OLFML2A: variants seen among roughly 807,000 people sequenced by gnomAD.
OLFML2A encodes olfactomedin-like protein 2A.
OLFML2A carries 47 observed loss-of-function variants against 60.9 expected under a neutral mutation model. That is an observed-to-expected ratio of 0.77 (90% CI 0.61 to 0.98). OLFML2A has a LOEUF of 0.98. Among genes scored for constraint, OLFML2A ranks in the 50% least tolerant of loss-of-function variants. The pLI, the probability that OLFML2A is intolerant of heterozygous loss-of-function variation, is 0.00. For synonymous variants in OLFML2A, 372 were observed against 375.0 expected, an observed-to-expected ratio of 0.99 and a Z score of 0.09; for missense variants, 922 against 879.8, an observed-to-expected ratio of 1.05 and a Z score of -0.61.
intron 5 of OLFML2A, 97 bp from the exon 6 acceptor site, chr9:124,803,997 C>A: frequency 7.0e-7 from 1 of 1,421,990 alleles, no homozygotes. Context: ...CCTCCACTCC[C>A]TGAGGGCCCC....
chr9:124,788,378 C>T lies in OLFML2A; in HGVS notation c.354+1140C>T, dbSNP rs562994213. On this transcript the variant is annotated intron_variant, in intron 2 of 7. Coordinates refer to ENST00000373580, the MANE Select transcript of OLFML2A (RefSeq NM_182487.4). ...ATCCCAGCACTTTGGGAGACTGAGG[C>T]GGGTGGATCACGAGGTCAGGAGCTC... Among the ~76,000 whole-genome samples, 7 of 151,950 alleles carry T rather than the reference C, an allele frequency of 4.6e-5. No homozygotes were observed. In the East Asian group the frequency reaches 7.8e-4, roughly 17 times the overall value.
Position 124,799,278 on chromosome 9 carries a change from T to C in OLFML2A, c.463-7T>C. The C allele has an allele frequency of 1.3e-6, 2 of 1,598,838 alleles. No homozygotes were observed. The highest frequency in any genetic ancestry group is 1.1e-5 in the South Asian group (1 of 90,768). ...AGGAAAGACCTCCAATCCTGCCCCC[T>C]CCGCAGAGCATCAAGGCCAACCTGA... is the stretch of plus-strand genomic sequence containing the variant. On this transcript the variant is annotated splice_polypyrimidine_tract_variant and splice_region_variant and intron_variant, in intron 3 of 7. Transcript: ENST00000373580.
chr9:124,783,904 G>C (rs4838210), intron 1 of OLFML2A, among the ~76,000 whole-genome samples: 43 of 152,114 alleles, frequency 2.8e-4, no homozygotes, highest in African/African-American at 1.0e-3. Context: ...TGAAGGGATA[G>C]AGAGTAACAG....
intron 7 of OLFML2A, among the ~76,000 whole-genome samples, chr9:124,809,265 G>A (rs10986433): frequency 0.6 from 90,463 of 152,032 alleles, 30,726 homozygotes; most frequent in Non-Finnish European, 0.78. Flanking sequence ...ACAGGGTGGT[G>A]GAGGAAGCCA....
At chr9:124,797,538 C>T (rs1841689312) in intron 3 of OLFML2A, among the ~76,000 whole-genome samples, 1 of 152,206 alleles carries the variant, frequency 6.6e-6, no homozygotes, top group African/African-American at 2.4e-5. Flanking sequence ...GACTGGACGT[C>T]AATCACTTTT....
chr9:124,810,001 C>A lies in OLFML2A; in HGVS notation c.1548C>A (p.Arg516=), dbSNP rs780615026. The change falls in exon 8 of 8, where the codon CGC becomes CGA. Residue 516 remains arginine (R), a synonymous_variant. Transcript: ENST00000373580. ...AGGACACCACACCTTGGAAGTGGCG[C>A]GGACACTCGGACATTGACTTTGCCG... is the stretch of plus-strand genomic sequence containing the variant. ...VYEDTTPWKW[R]GHSDIDFAVD... is the part of the protein sequence containing the mutation. 1 of 1,614,130 alleles carries A rather than the reference C, an allele frequency of 6.2e-7. No individual in the cohort carries two copies. Among genetic ancestry groups the A allele is most frequent in the Non-Finnish European group, 8.5e-7 (1 of 1,180,038 alleles).
intron 4 of OLFML2A, 113 bp from the exon 5 acceptor site, chr9:124,801,301 C>A: frequency 8.7e-7 from 1 of 1,147,910 alleles, no homozygotes; most frequent in Non-Finnish European, 1.3e-6. Flanking sequence ...GTGCTTGGGA[C>A]ATAGGGCCTG....
chr9:124,778,148 A>G (rs1401271459), intron 1 of OLFML2A, among the ~76,000 whole-genome samples: 1 of 151,436 alleles, frequency 6.6e-6, no homozygotes, highest in Non-Finnish European at 1.5e-5. Context: ...TCACAAGGTC[A>G]GGAGATCGAG....
intron 5 of OLFML2A, among the ~76,000 whole-genome samples, chr9:124,801,948 C>T (rs1358898065): frequency 1.3e-5 from 2 of 152,178 alleles, no homozygotes; most frequent in Non-Finnish European, 2.9e-5. Flanking sequence ...TGCTGAAGGT[C>T]CGCTCTGACC....
intron 4 of OLFML2A, among the ~76,000 whole-genome samples, chr9:124,799,873 G>A (rs1841741489): frequency 6.6e-6 from 1 of 152,206 alleles, no homozygotes. Flanking sequence ...TGCTGTGGCT[G>A]GGTTGAGCCT....
chr9:124,787,053 A>C lies in OLFML2A; in HGVS notation c.169A>C (p.Ser57Arg). The C allele has an allele frequency of 6.2e-7, 1 of 1,614,004 alleles. No individual in the cohort carries two copies. The highest frequency in any genetic ancestry group is 8.5e-7 in the Non-Finnish European group (1 of 1,180,002). ...TTGCAAGTGCATCATGCGGCCCCTG[A>C]GCAAGGACGCGTGTAGCCGAGTGCG... ...CRCKCIMRPLSKDACSRVRSG... is the reference protein window; with the variant it reads ...CRCKCIMRPLRKDACSRVRSG... The change falls in exon 2 of 8, where the codon AGC (serine) becomes CGC (arginine). Residue 57 changes from serine to arginine, a missense_variant. Physicochemically the swap from Ser to Arg is moderately radical, Grantham distance 110. Coordinates refer to ENST00000373580, the MANE Select transcript of OLFML2A (RefSeq NM_182487.4).
intron 3 of OLFML2A, among the ~76,000 whole-genome samples, chr9:124,797,789 G>A (rs560878600): frequency 6.6e-6 from 1 of 152,322 alleles, no homozygotes; most frequent in South Asian, 2.1e-4. Context: ...GGCCAGCTTG[G>A]GTGACAGCCC....
chr9:124,801,979 G>GAC (rs1186986126), intron 5 of OLFML2A, among the ~76,000 whole-genome samples: 1 of 152,172 alleles, frequency 6.6e-6, no homozygotes, highest in Non-Finnish European at 1.5e-5. Flanking sequence ...GAATGGTAGA[G>GAC]ACACAGTCCC....
At position 124,795,149 on chromosome 9, in the gene OLFML2A, G is replaced by A. The variant is rs772735719; in HGVS notation, c.462+18G>A. 1.7e-5 allele frequency: 25 copies of A among 1,449,748 alleles called. No homozygotes were observed. The East Asian group carries it at 4.5e-4, about 26-fold the overall frequency. 89.8% of individuals were successfully genotyped at this position (1,449,748 alleles called of 1,614,324 possible). A position where few individuals can be genotyped will look rare whatever the true frequency, so the allele number is the denominator to read the frequency against. ...TGGAAGAGGTAAGGGCGGGGCTGCC[G>A]CCAGAGGCCAGGCTGCTCTGGTGCT... On this transcript the variant is annotated intron_variant, in intron 3 of 7. Coordinates refer to ENST00000373580, the MANE Select transcript of OLFML2A (RefSeq NM_182487.4).
intron 1 of OLFML2A, chr9:124,778,971 G>A (rs958535369): frequency 2.0e-6 from 2 of 985,050 alleles, no homozygotes; most frequent in Non-Finnish European, 2.4e-6. Flanking sequence ...ATAAAAGACA[G>A]AAGCCACTAG....
At chr9:124,803,387 C>G (rs1474764743) in intron 5 of OLFML2A, among the ~76,000 whole-genome samples, 1 of 152,128 alleles carries the variant, frequency 6.6e-6, no homozygotes, top group Non-Finnish European at 1.5e-5. Flanking sequence ...CTCAGCCTCC[C>G]TAATAGCTGG....
intron 5 of OLFML2A, 148 bp downstream of exon 5, chr9:124,801,811 A>C: frequency 1.1e-6 from 1 of 904,066 alleles, no homozygotes; most frequent in Non-Finnish European, 1.7e-6. Context: ...ACATATGAGG[A>C]TAACACCCCA....
chr9:124,784,068 C>T (rs1272158591), intron 1 of OLFML2A, among the ~76,000 whole-genome samples: 1 of 152,034 alleles, frequency 6.6e-6, no homozygotes, highest in African/African-American at 2.4e-5. Context: ...GTGGAGAGAG[C>T]CATTGAAAGG....
At chr9:124,789,461 C>T (rs1416638450) in intron 2 of OLFML2A, among the ~76,000 whole-genome samples, 1 of 152,210 alleles carries the variant, frequency 6.6e-6, no homozygotes, top group Non-Finnish European at 1.5e-5. Context: ...TGGGCTAATG[C>T]AGTGAGGGTC....
Sources: gnomAD v4.1 joint callset for allele counts (sites outside exome capture counted in the v4.1 genomes callset) on GRCh38, gnomAD v4.1.1 for gene constraint, MANE v1.5 for transcripts, NCBI Gene and HGNC (gene_info 2026-07-23, HGNC 2026-07-21) for gene names.